MGST3: variants seen among roughly 807,000 people sequenced by gnomAD.
The protein encoded by MGST3 is glutathione S-transferase 3, mitochondrial.
A neutral mutation model predicts 15.8 loss-of-function variants in MGST3; 13 were observed. The observed-to-expected ratio is 0.82, with a 90% CI of 0.54 to 1.31. The LOEUF (loss-of-function observed/expected upper bound fraction) is 1.31. Among genes scored for constraint, MGST3 ranks in the 50% most tolerant of loss-of-function variants. MGST3 has a pLI of 0.00. For missense variants in MGST3, 155 were observed against 192.4 expected (o/e 0.81, Z 1.15); for synonymous variants, 49 against 68.1 (o/e 0.72, Z 1.38).
intron 1 of MGST3, chr1:165,637,263 T>A (rs1648138096): frequency 6.6e-6 from 1 of 152,106 alleles, no homozygotes. Flanking sequence ...TACACAGAAG[T>A]AGGGACTACT....
intron 1 of MGST3, among the ~76,000 whole-genome samples, chr1:165,641,881 A>G (rs1339119832): frequency 6.6e-6 from 1 of 152,160 alleles, no homozygotes; most frequent in African/African-American, 2.4e-5. Context: ...AGTGACAAAA[A>G]CTTTCTAATT....
chr1:165,650,072 G>C lies in MGST3; in HGVS notation c.117+108G>C, dbSNP rs545998164. 5.1e-5 allele frequency: 78 copies of C among 1,535,592 alleles called. 1 individual carries two copies. The South Asian group carries it at 7.1e-4, about 14-fold the overall frequency. On this transcript the variant is annotated intron_variant, in intron 2 of 5. Coordinates refer to ENST00000367889, the MANE Select transcript of MGST3 (RefSeq NM_004528.4). ...GGGAGAGGCAAGGAGCTAGTTGTGA[G>C]AAGTGGCAGTTTCAGGACTGTGTTA...
In MGST3 at chr1:165,638,169, G is replaced by A. The variant is rs147191778; in HGVS notation, c.-8+6876G>A. Reference sequence around the variant, plus strand: ...ATAAATGTAAAAGTTACAAATAGAAGTGCTGCTGTGTTTTTAAAACATTAT... The same window carrying A: ...ATAAATGTAAAAGTTACAAATAGAAATGCTGCTGTGTTTTTAAAACATTAT... On this transcript the variant is annotated intron_variant, in intron 1 of 5. Coordinates refer to ENST00000367889, the MANE Select transcript of MGST3 (RefSeq NM_004528.4). Among the ~76,000 whole-genome samples the A allele has an allele frequency of 9.8e-4, 150 of 152,294 alleles. 1 individual carries two copies. Among genetic ancestry groups the A allele is most frequent in the Middle Eastern group, 3.4e-3 (1 of 294 alleles).
intron 5 of MGST3, among the ~76,000 whole-genome samples, chr1:165,654,910 T>C (rs1332084593): frequency 1.3e-5 from 2 of 152,216 alleles, no homozygotes; most frequent in African/African-American, 4.8e-5. Context: ...ACAGATATTA[T>C]TGCATTTTAC....
intron 2 of MGST3, chr1:165,650,224 A>G (rs1473393641): frequency 1.2e-5 from 6 of 503,304 alleles, no homozygotes; most frequent in Non-Finnish European, 1.8e-5. Context: ...CCAATAGTAC[A>G]CTTCTGCTTG....
chr1:165,655,796 T>C lies in MGST3; in HGVS notation c.*292T>C. 5.0e-6 allele frequency: 2 copies of C among 402,488 alleles called. No homozygotes were observed. Among genetic ancestry groups the C allele is most frequent in the South Asian group, 2.7e-5 (1 of 37,526 alleles). The allele number at this position is 402,488 out of a possible 1,614,324, so 24.9% of individuals were successfully genotyped here. A position where few individuals can be genotyped will look rare whatever the true frequency, so the allele number is the denominator to read the frequency against. ...GATTGTGGTGATGTAGGTATAGTCA[T>C]GCCACAGTGATGAAAAATTAAAGAA... is the stretch of plus-strand genomic sequence containing the variant. On this transcript the variant is annotated 3_prime_UTR_variant, in exon 6 of 6. Transcript: ENST00000367889.
intron 1 of MGST3, among the ~76,000 whole-genome samples, chr1:165,642,650 G>A (rs9333438): frequency 0.014 from 2,066 of 152,276 alleles, 31 homozygotes; most frequent in African/African-American, 0.035. Flanking sequence ...CAGGCATCAT[G>A]ATGAATGTTT....
At chr1:165,650,287 C>A in intron 2 of MGST3, 1 of 369,736 alleles carries the variant, frequency 2.7e-6, no homozygotes, top group Non-Finnish European at 5.1e-6. Flanking sequence ...GGTTAAATAG[C>A]AATATTGTTT....
chr1:165,652,454 G>C (rs932995237), intron 4 of MGST3, among the ~76,000 whole-genome samples: 2 of 148,778 alleles, frequency 1.3e-5, no homozygotes, highest in Non-Finnish European at 3.0e-5. Context: ...TTTTTGTTGT[G>C]GGGTGTGGGG....
At chr1:165,641,522 A>G (rs1335955063) in intron 1 of MGST3, among the ~76,000 whole-genome samples, 1 of 152,252 alleles carries the variant, frequency 6.6e-6, no homozygotes, top group Non-Finnish European at 1.5e-5. Flanking sequence ...AAAAACCAGT[A>G]TATCCTCATT....
At chr1:165,638,376 G>A (rs111448226) in intron 1 of MGST3, among the ~76,000 whole-genome samples, 5 of 151,710 alleles carry the variant, frequency 3.3e-5, no homozygotes, top group African/African-American at 4.9e-5. Context: ...GCTACTTTGA[G>A]GCAGAAGGAT....
intron 3 of MGST3, 82 bp from the exon 4 acceptor site, chr1:165,651,896 A>AAAAAAAAT (rs1553240622): frequency 3.4e-6 from 3 of 870,996 alleles, no homozygotes; most frequent in Non-Finnish European, 5.3e-6. Flanking sequence ...CCGTCTCAAA[A>AAAAAAAAT]AAAAAAAAAA....
intron 1 of MGST3, among the ~76,000 whole-genome samples, chr1:165,642,288 C>T (rs1051453036): frequency 2.0e-5 from 3 of 152,202 alleles, no homozygotes; most frequent in Non-Finnish European, 4.4e-5. Context: ...AATGAATGCA[C>T]GATCACCCTC....
intron 1 of MGST3, chr1:165,649,363 TCTCC>T: frequency 6.0e-6 from 1 of 167,010 alleles, no homozygotes; most frequent in East Asian, 1.7e-4. Context: ...TCTCTCTCTC[TCTCC>T]CTCTCCTCCC....
intron 2 of MGST3, 109 bp from the exon 3 acceptor site, chr1:165,650,905 G>T: frequency 1.1e-6 from 1 of 907,022 alleles, no homozygotes; most frequent in South Asian, 1.3e-5. Flanking sequence ...CATCTATCAA[G>T]GGTGTGAAAG....
chr1:165,640,345 C>T (rs893435425), intron 1 of MGST3, among the ~76,000 whole-genome samples: 3 of 152,052 alleles, frequency 2.0e-5, no homozygotes, highest in African/African-American at 7.2e-5. Context: ...TCTCTGATCT[C>T]ATCAGCCCCA....
chr1:165,650,662 A>G lies in MGST3; in HGVS notation c.118-352A>G, dbSNP rs535279689. ...TCTTAAAAGGATGTGGTATTTGATGACTCTTAGGAAGGCTCTATTTCCCTA... is the reference window on the plus strand; with the variant it reads ...TCTTAAAAGGATGTGGTATTTGATGGCTCTTAGGAAGGCTCTATTTCCCTA... On this transcript the variant is annotated intron_variant, in intron 2 of 5. Coordinates refer to ENST00000367889, the MANE Select transcript of MGST3 (RefSeq NM_004528.4). 9.8e-5 allele frequency: 25 copies of G among 256,220 alleles called. No individual in the cohort carries two copies. The East Asian group carries it at 2.2e-3, about 23-fold the overall frequency. 15.9% of individuals were successfully genotyped at this position (256,220 alleles called of 1,614,324 possible).
At chr1:165,654,428 CACCTGTAAT>C in intron 5 of MGST3, 77 bp downstream of exon 5, 1 of 1,346,798 alleles carries the variant, frequency 7.4e-7, no homozygotes, top group Non-Finnish European at 1.1e-6. Context: ...CAGTGGCTTA[CACCTGTAAT>C]CCCAGCACTT....
intron 1 of MGST3, among the ~76,000 whole-genome samples, chr1:165,631,768 C>G (rs1019554865): frequency 1.3e-5 from 2 of 152,216 alleles, no homozygotes; most frequent in Admixed American, 1.3e-4. Context: ...GAGCAATGCA[C>G]CCGCTGCGGT....
Sources: allele counts gnomAD v4.1 joint callset (sites outside exome capture counted in the v4.1 genomes callset), GRCh38; gene constraint gnomAD v4.1.1; transcripts MANE v1.5; gene names NCBI Gene and HGNC (gene_info 2026-07-23, HGNC 2026-07-21).